CHSY3: variants seen among roughly 807,000 people sequenced by gnomAD.
CHSY3 encodes N-acetylgalactosaminyl-proteoglycan 3-beta-glucuronosyltransferase 3.
Under a neutral mutation model 67.2 loss-of-function variants are expected in CHSY3, and 35 were observed. The ratio of observed to expected loss-of-function variants is 0.52; its 90% CI spans 0.40 to 0.69. The LOEUF is 0.69. CHSY3 is among the 30% of genes least tolerant of loss of function. The pLI, the probability that CHSY3 is intolerant of heterozygous loss-of-function variation, is 0.00. For synonymous variants in CHSY3, 474 were observed against 434.7 expected, an observed-to-expected ratio of 1.09 and a Z score of -1.12; for missense variants, 1,069 against 1,138.5, an observed-to-expected ratio of 0.94 and a Z score of 0.88.
chr5:130,033,219 A>G (rs905918035), intron 2 of CHSY3, among the ~76,000 whole-genome samples: 1 of 152,192 alleles, frequency 6.6e-6, no homozygotes, highest in East Asian at 1.9e-4. Context: ...TTAGTCATCA[A>G]TCTTAAGTAA....
intron 2 of CHSY3, among the ~76,000 whole-genome samples, chr5:130,039,539 T>C (rs1764952903): frequency 8.5e-6 from 1 of 118,338 alleles, no homozygotes; most frequent in Admixed American, 1.0e-4. Flanking sequence ...GATAGATTAA[T>C]GTGGAATTTT....
At chr5:130,010,053 C>G (rs10038252) in intron 2 of CHSY3, among the ~76,000 whole-genome samples, 3 of 151,974 alleles carry the variant, frequency 2.0e-5, no homozygotes, top group Non-Finnish European at 4.4e-5. Flanking sequence ...CTGTAACACC[C>G]CACTGACAGT....
intron 2 of CHSY3, among the ~76,000 whole-genome samples, chr5:129,920,531 A>G (rs1002416989): frequency 6.6e-6 from 1 of 152,188 alleles, no homozygotes; most frequent in Non-Finnish European, 1.5e-5. Flanking sequence ...GGTGTGAGCT[A>G]CCATGCCCAG....
chr5:130,106,888 A>G (rs1767427356), intron 2 of CHSY3, among the ~76,000 whole-genome samples: 1 of 151,566 alleles, frequency 6.6e-6, no homozygotes, highest in Non-Finnish European at 1.5e-5. Flanking sequence ...AAGGTTCATA[A>G]TTTTAGCTTA....
At chr5:130,042,664 T>A (rs940070788) in intron 2 of CHSY3, among the ~76,000 whole-genome samples, 6 of 152,140 alleles carry the variant, frequency 3.9e-5, no homozygotes, top group Admixed American at 6.6e-5. Flanking sequence ...ATCAATTACT[T>A]TCTTAACATG....
At chr5:130,154,566 C>T (rs143493900) in intron 2 of CHSY3, among the ~76,000 whole-genome samples, 4 of 152,144 alleles carry the variant, frequency 2.6e-5, no homozygotes, top group East Asian at 3.9e-4. Context: ...TATTCATTTG[C>T]GATTATTCAT....
intron 2 of CHSY3, among the ~76,000 whole-genome samples, chr5:130,015,264 A>G (rs977486686): frequency 3.9e-5 from 6 of 152,280 alleles, no homozygotes; most frequent in African/African-American, 1.2e-4. Flanking sequence ...CCTCTCAGCC[A>G]TGCCTCCCAT....
At chr5:130,084,706 T>G (rs751962016) in intron 2 of CHSY3, among the ~76,000 whole-genome samples, 1 of 151,930 alleles carries the variant, frequency 6.6e-6, no homozygotes, top group African/African-American at 2.4e-5. Context: ...TCTATTAATG[T>G]CTTATGTCTC....
chr5:130,125,553 T>C (rs1318096160), intron 2 of CHSY3, among the ~76,000 whole-genome samples: 1 of 152,334 alleles, frequency 6.6e-6, no homozygotes, highest in Middle Eastern at 3.4e-3. Flanking sequence ...GGAAATGAAA[T>C]GCTGAGCTAT....
At chr5:129,909,687 G>T (rs951368992) in intron 2 of CHSY3, among the ~76,000 whole-genome samples, 17 of 151,884 alleles carry the variant, frequency 1.1e-4, no homozygotes, top group African/African-American at 4.1e-4. Context: ...AGGTAATCTA[G>T]AATAAACTCA....
chr5:130,136,183 AT>A (rs1399009643), intron 2 of CHSY3, among the ~76,000 whole-genome samples: 1 of 152,212 alleles, frequency 6.6e-6, no homozygotes, highest in African/African-American at 2.4e-5. Flanking sequence ...GTAATGCTTG[AT>A]TTTAATTTTA....
At chr5:130,179,680 T>G (rs1037359919) in intron 2 of CHSY3, among the ~76,000 whole-genome samples, 4 of 152,128 alleles carry the variant, frequency 2.6e-5, no homozygotes, top group African/African-American at 7.2e-5. Context: ...TTTTCTCAAT[T>G]TCATGGCTTT....
intron 2 of CHSY3, among the ~76,000 whole-genome samples, chr5:130,000,238 C>T (rs955577935): frequency 2.6e-5 from 4 of 152,054 alleles, no homozygotes; most frequent in African/African-American, 4.8e-5. Context: ...TAAAAATCAT[C>T]GTAGGATTTT....
At chr5:130,008,957 T>C (rs954763895) in intron 2 of CHSY3, among the ~76,000 whole-genome samples, 3 of 152,122 alleles carry the variant, frequency 2.0e-5, no homozygotes, top group Non-Finnish European at 4.4e-5. Flanking sequence ...CCAGAAAATA[T>C]GGGATTATGT....
chr5:129,945,774 T>G (rs1189103850), intron 2 of CHSY3, among the ~76,000 whole-genome samples: 2 of 152,134 alleles, frequency 1.3e-5, no homozygotes, highest in Non-Finnish European at 2.9e-5. Context: ...TATAAAAATG[T>G]TTGTGGGATT....
intron 2 of CHSY3, among the ~76,000 whole-genome samples, chr5:130,011,454 G>T (rs1403948717): frequency 6.6e-6 from 1 of 152,076 alleles, no homozygotes; most frequent in Non-Finnish European, 1.5e-5. Flanking sequence ...CAGCAAACTA[G>T]TCATCAATGG....
intron 2 of CHSY3, among the ~76,000 whole-genome samples, chr5:129,994,989 T>A (rs1415573086): frequency 6.6e-6 from 1 of 152,100 alleles, no homozygotes; most frequent in Non-Finnish European, 1.5e-5. Flanking sequence ...ATGGCACATG[T>A]ATACCTATGT....
chr5:130,133,791 AAAAAG>A (rs1768566275), intron 2 of CHSY3, among the ~76,000 whole-genome samples: 1 of 122,738 alleles, frequency 8.1e-6, no homozygotes, highest in African/African-American at 2.8e-5. Flanking sequence ...AAAAAAAAAA[AAAAAG>A]AAAAAAAAAA....
At chr5:129,928,624 T>C (rs776791727) in intron 2 of CHSY3, among the ~76,000 whole-genome samples, 1 of 152,172 alleles carries the variant, frequency 6.6e-6, no homozygotes, top group Non-Finnish European at 1.5e-5. Context: ...TATTAATTTC[T>C]ACCTTCTTTC....
Sources: allele counts gnomAD v4.1 joint callset (sites outside exome capture counted in the v4.1 genomes callset), GRCh38; gene constraint gnomAD v4.1.1; transcripts MANE v1.5; gene names NCBI Gene and HGNC (gene_info 2026-07-23, HGNC 2026-07-21).